ATRNL1: variants seen among roughly 807,000 people sequenced by gnomAD.
ATRNL1 encodes attractin-like protein 1.
A neutral mutation model predicts 182.7 loss-of-function variants in ATRNL1; 95 were observed. That is an observed-to-expected ratio of 0.52 (90% CI 0.44 to 0.62). The LOEUF is 0.62. Among genes scored for constraint, ATRNL1 ranks in the 20% least tolerant of loss-of-function variants. The probability of loss-of-function intolerance (pLI) is 0.00; values close to 1 mark genes in which losing one functional copy is unlikely to be tolerated. For synonymous variants in ATRNL1, 576 were observed against 568.3 expected, an observed-to-expected ratio of 1.01 and a Z score of -0.19; for missense variants, 1,471 against 1,679.5, an observed-to-expected ratio of 0.88 and a Z score of 2.17.
In ATRNL1 at chr10:115,784,607, G is replaced by A. The variant is rs11197444; in HGVS notation, c.3903+57252G>A. Among the ~76,000 whole-genome samples the A allele has an allele frequency of 2.9e-3, 436 of 152,254 alleles. 11 individuals are homozygous for A. In the East Asian group the frequency reaches 0.075, roughly 26 times the overall value. On this transcript the variant is annotated intron_variant, in intron 27 of 28. Coordinates refer to ENST00000355044, the MANE Select transcript of ATRNL1 (RefSeq NM_207303.4). ...AAGCCAAAATCAAGATGTCAACAGG[G>A]TTGGTTTCTTTTGGAGGCTCTGAGG...
intron 26 of ATRNL1, among the ~76,000 whole-genome samples, chr10:115,618,837 T>A (rs1294242637): frequency 6.6e-6 from 1 of 152,228 alleles, no homozygotes; most frequent in Non-Finnish European, 1.5e-5. Context: ...TTCTGTGGTC[T>A]CCTCCTGGAG....
At chr10:115,420,082 C>T (rs1332514331) in intron 20 of ATRNL1, among the ~76,000 whole-genome samples, 12 of 132,958 alleles carry the variant, frequency 9.0e-5, no homozygotes, top group Non-Finnish European at 1.6e-4. Context: ...TCACTGTTGT[C>T]ACCCAGGCTG....
intron 24 of ATRNL1, among the ~76,000 whole-genome samples, chr10:115,493,319 A>G (rs1423979744): frequency 3.3e-5 from 5 of 152,054 alleles, no homozygotes; most frequent in African/African-American, 7.2e-5. Context: ...CTTCATGTCT[A>G]TGTGTACTCT....
At chr10:115,566,754 T>G (rs1854098147) in intron 26 of ATRNL1, among the ~76,000 whole-genome samples, 1 of 152,092 alleles carries the variant, frequency 6.6e-6, no homozygotes, top group Non-Finnish European at 1.5e-5. Flanking sequence ...AATAATGCAA[T>G]TATGACTGTA....
intron 19 of ATRNL1, among the ~76,000 whole-genome samples, chr10:115,366,821 T>C (rs1592532549): frequency 6.8e-6 from 1 of 147,758 alleles, no homozygotes; most frequent in Admixed American, 6.7e-5. Flanking sequence ...GAAAATTCTT[T>C]TCTTTAAGAA....
At chr10:115,570,518 A>G (rs1435688765) in intron 26 of ATRNL1, among the ~76,000 whole-genome samples, 1 of 152,152 alleles carries the variant, frequency 6.6e-6, no homozygotes, top group Non-Finnish European at 1.5e-5. Flanking sequence ...AGCTTACTTC[A>G]AGTTTACAAA....
At chr10:115,388,586 ATAAGT>A (rs139428486) in intron 19 of ATRNL1, among the ~76,000 whole-genome samples, 1,902 of 152,120 alleles carry the variant, frequency 0.013, 36 homozygotes, top group African/African-American at 0.043. Flanking sequence ...GACAAAATAG[ATAAGT>A]TAAGCCTATT....
intron 25 of ATRNL1, among the ~76,000 whole-genome samples, chr10:115,522,441 G>A (rs1850988933): frequency 6.6e-6 from 1 of 152,104 alleles, no homozygotes; most frequent in African/African-American, 2.4e-5. Flanking sequence ...GCTACCATAA[G>A]GACACCACCA....
At chr10:115,722,025 T>C (rs1385123764) in intron 26 of ATRNL1, among the ~76,000 whole-genome samples, 1 of 152,174 alleles carries the variant, frequency 6.6e-6, no homozygotes, top group East Asian at 1.9e-4. Flanking sequence ...TTATGGAATC[T>C]CGCATTATTA....
chr10:115,150,083 G>C (rs953961451), intron 5 of ATRNL1, among the ~76,000 whole-genome samples: 2 of 151,884 alleles, frequency 1.3e-5, no homozygotes, highest in African/African-American at 4.8e-5. Flanking sequence ...TAGGATGTAT[G>C]TGTCTAGGAA....
intron 26 of ATRNL1, among the ~76,000 whole-genome samples, chr10:115,556,593 C>T (rs1477895162): frequency 3.3e-5 from 5 of 151,978 alleles, no homozygotes; most frequent in African/African-American, 4.8e-5. Flanking sequence ...AAAAATGTTT[C>T]TTAGAATCAA....
At chr10:115,772,034 A>C (rs1376997942) in intron 27 of ATRNL1, among the ~76,000 whole-genome samples, 1 of 152,224 alleles carries the variant, frequency 6.6e-6, no homozygotes, top group Non-Finnish European at 1.5e-5. Context: ...TTGTACTTTA[A>C]GTCAGGATAG....
chr10:115,195,665 T>G (rs1229845735), intron 8 of ATRNL1, among the ~76,000 whole-genome samples: 6 of 152,146 alleles, frequency 3.9e-5, no homozygotes, highest in African/African-American at 1.4e-4. Context: ...TATATCTTTC[T>G]ACAAGTTTGG....
chr10:115,768,604 G>A (rs556761311), intron 27 of ATRNL1, among the ~76,000 whole-genome samples: 1 of 152,156 alleles, frequency 6.6e-6, no homozygotes, highest in South Asian at 2.1e-4. Flanking sequence ...TTCCTTGTCA[G>A]CAGCAACTCC....
intron 8 of ATRNL1, chr10:115,171,525 T>C (rs1847294146): frequency 1.1e-5 from 4 of 376,634 alleles, no homozygotes; most frequent in Admixed American, 9.0e-5. Flanking sequence ...TCTCATTTTC[T>C]AAGATTTGTG....
chr10:115,563,999 T>G (rs1485631373), intron 26 of ATRNL1, among the ~76,000 whole-genome samples: 1 of 152,118 alleles, frequency 6.6e-6, no homozygotes, highest in Non-Finnish European at 1.5e-5. Context: ...ACATCTGTAC[T>G]GGAAATCATG....
intron 22 of ATRNL1, among the ~76,000 whole-genome samples, chr10:115,463,374 T>G (rs1847906021): frequency 6.6e-6 from 1 of 152,074 alleles, no homozygotes; most frequent in Non-Finnish European, 1.5e-5. Context: ...TAAAGATATT[T>G]TGTTTCAAAT....
chr10:115,702,852 A>G (rs2133999014), intron 26 of ATRNL1, among the ~76,000 whole-genome samples: 1 of 152,034 alleles, frequency 6.6e-6, no homozygotes, highest in East Asian at 1.9e-4. Context: ...TGCCCAAAAT[A>G]ATCTACAGAT....
chr10:115,574,565 T>A (rs1458187337), intron 26 of ATRNL1, among the ~76,000 whole-genome samples: 5 of 152,180 alleles, frequency 3.3e-5, no homozygotes, highest in Non-Finnish European at 5.9e-5. Context: ...TTCTGCAACT[T>A]GTACTGAATA....
Sources: gnomAD v4.1 joint callset for allele counts (sites outside exome capture counted in the v4.1 genomes callset) on GRCh38, gnomAD v4.1.1 for gene constraint, MANE v1.5 for transcripts, NCBI Gene and HGNC (gene_info 2026-07-23, HGNC 2026-07-21) for gene names.